Variants in PTPRD observed in about 807,000 individuals in gnomAD.
PTPRD encodes the protein protein tyrosine phosphatase receptor type D.
PTPRD carries 34 observed loss-of-function variants against 214.5 expected under a neutral mutation model. The ratio of observed to expected loss-of-function variants is 0.16; its 90% CI spans 0.12 to 0.21. PTPRD has a LOEUF of 0.21. Among genes scored for constraint, PTPRD ranks in the 10% least tolerant of loss-of-function variants. PTPRD has a pLI of 1.00. For missense variants in PTPRD, 2,545 were observed against 2,398.7 expected (o/e 1.06, Z -1.27); for synonymous variants, 1,128 against 845.7 (o/e 1.33, Z -5.79).
At chr9:9,825,340 CAAAGAA>C (rs1411715819) in intron 5 of PTPRD, among the ~76,000 whole-genome samples, 2 of 143,622 alleles carry the variant, frequency 1.4e-5, no homozygotes, top group East Asian at 2.0e-4. Flanking sequence ...GAGAAAGAGA[CAAAGAA>C]AGAGACAAAG....
intron 7 of PTPRD, among the ~76,000 whole-genome samples, chr9:9,695,458 G>C (rs1595444001): frequency 1.3e-5 from 2 of 152,152 alleles, no homozygotes; most frequent in Non-Finnish European, 2.9e-5. Context: ...TGTCTCCCTA[G>C]GTCATATGTG....
intron 14 of PTPRD, among the ~76,000 whole-genome samples, chr9:8,545,064 C>G (rs1206817889): frequency 2.0e-5 from 3 of 152,092 alleles, no homozygotes; most frequent in African/African-American, 7.2e-5. Context: ...CATATTCTAG[C>G]ACACACAATC....
intron 10 of PTPRD, among the ~76,000 whole-genome samples, chr9:9,044,126 A>T (rs985554125): frequency 1.3e-5 from 2 of 152,150 alleles, no homozygotes; most frequent in Non-Finnish European, 2.9e-5. Flanking sequence ...GGAAAAAGTT[A>T]TTTTTATATG....
intron 35 of PTPRD, among the ~76,000 whole-genome samples, chr9:8,414,649 C>G (rs1158246293): frequency 6.6e-6 from 1 of 151,852 alleles, no homozygotes; most frequent in Non-Finnish European, 1.5e-5. Context: ...GTCCCTACAT[C>G]CCAGTTTACA....
At chr9:9,198,387 T>G (rs2132167850) in intron 9 of PTPRD, among the ~76,000 whole-genome samples, 1 of 152,250 alleles carries the variant, frequency 6.6e-6, no homozygotes, top group South Asian at 2.1e-4. Context: ...GTGAGCAATT[T>G]TGTAGCCCTC....
chr9:10,091,115 G>A (rs187666411), intron 3 of PTPRD, among the ~76,000 whole-genome samples: 2 of 151,294 alleles, frequency 1.3e-5, no homozygotes, highest in East Asian at 3.9e-4. Flanking sequence ...AAAAATTAAT[G>A]AGCAATTTTA....
At chr9:9,965,746 G>A (rs568781240) in intron 4 of PTPRD, among the ~76,000 whole-genome samples, 3 of 152,240 alleles carry the variant, frequency 2.0e-5, no homozygotes, top group African/African-American at 7.2e-5. Context: ...CCACTCTTCA[G>A]ATATCACAAT....
At chr9:9,246,689 C>T (rs931152853) in intron 9 of PTPRD, among the ~76,000 whole-genome samples, 4 of 151,946 alleles carry the variant, frequency 2.6e-5, no homozygotes, top group Admixed American at 6.6e-5. Flanking sequence ...GTAAGCCCAC[C>T]GGCAACATCA....
intron 14 of PTPRD, among the ~76,000 whole-genome samples, chr9:8,563,116 T>C (rs2087132221): frequency 6.6e-6 from 1 of 152,062 alleles, no homozygotes; most frequent in Admixed American, 6.5e-5. Context: ...TAAGCCTGAG[T>C]GTCAGCTTGG....
At chr9:9,165,125 T>C (rs1383808385) in intron 10 of PTPRD, among the ~76,000 whole-genome samples, 1 of 152,162 alleles carries the variant, frequency 6.6e-6, no homozygotes, top group Non-Finnish European at 1.5e-5. Flanking sequence ...TAAACATTTA[T>C]TGAACTTCAT....
intron 5 of PTPRD, among the ~76,000 whole-genome samples, chr9:9,843,072 G>A (rs979278274): frequency 3.9e-5 from 6 of 152,162 alleles, no homozygotes; most frequent in African/African-American, 1.4e-4. Context: ...ACACAGCTAT[G>A]TTTGAATATT....
intron 36 of PTPRD, among the ~76,000 whole-genome samples, chr9:8,390,037 A>G (rs568087638): frequency 6.8e-4 from 103 of 152,286 alleles, no homozygotes; most frequent in African/African-American, 2.4e-3. Context: ...TGACCTCTGT[A>G]AAGTATTGCT....
chr9:9,497,668 A>G (rs1473517658), intron 8 of PTPRD, among the ~76,000 whole-genome samples: 2 of 152,198 alleles, frequency 1.3e-5, no homozygotes, highest in African/African-American at 2.4e-5. Flanking sequence ...GAGGAGAAAT[A>G]GGAACATTAT....
chr9:10,060,890 TTCCTTCC>T lies in PTPRD; in HGVS notation c.-544-27107_-544-27101del, dbSNP rs1360797010. Among the ~76,000 whole-genome samples the T allele has an allele frequency of 2.0e-4, 18 of 89,178 alleles. 1 individual carries two copies. Among genetic ancestry groups the T allele is most frequent in the African/African-American group, 1.9e-3 (15 of 7,712 alleles). 58.5% of individuals were successfully genotyped at this position (89,178 alleles called of 152,430 possible). A position where few individuals can be genotyped will look rare whatever the true frequency, so the allele number is the denominator to read the frequency against. ...CTTCTTTCCTTCCTTCCTTCCTTCC[TTCCTTCC>T]TTCTTTCTTTCTTTCTTTCTTTCTT... On this transcript the variant is annotated intron_variant, in intron 3 of 45. Coordinates refer to ENST00000381196, the MANE Select transcript of PTPRD (RefSeq NM_002839.4).
chr9:8,436,558 G>C (rs748753534), intron 35 of PTPRD, 34 bp downstream of exon 35: 11 of 1,500,712 alleles, frequency 7.3e-6, no homozygotes, highest in East Asian at 2.3e-5. Flanking sequence ...AGTAACTCTT[G>C]AAATTACTGT....
intron 9 of PTPRD, among the ~76,000 whole-genome samples, chr9:9,347,480 G>C (rs1471504330): frequency 1.3e-5 from 2 of 151,722 alleles, no homozygotes; most frequent in East Asian, 1.9e-4. Context: ...TATCCCTCAG[G>C]GTAAAACCAT....
chr9:9,371,742 G>T (rs1361574809), intron 9 of PTPRD, among the ~76,000 whole-genome samples: 2 of 151,968 alleles, frequency 1.3e-5, no homozygotes, highest in African/African-American at 4.8e-5. Context: ...TTTCTCTTGT[G>T]GGCATTTAGT....
intron 33 of PTPRD, among the ~76,000 whole-genome samples, chr9:8,454,919 G>C (rs761984328): frequency 1.3e-5 from 2 of 151,850 alleles, no homozygotes; most frequent in Admixed American, 6.6e-5. Context: ...GGAAGTGTTC[G>C]ACAGTGGAGA....
At chr9:8,724,241 A>C (rs1019044226) in intron 12 of PTPRD, among the ~76,000 whole-genome samples, 1 of 152,228 alleles carries the variant, frequency 6.6e-6, no homozygotes, top group African/African-American at 2.4e-5. Flanking sequence ...CTTATAAGGT[A>C]CTGAATACAC....
Sources: gnomAD v4.1 joint callset for allele counts (sites outside exome capture counted in the v4.1 genomes callset) on GRCh38, gnomAD v4.1.1 for gene constraint, MANE v1.5 for transcripts, NCBI Gene and HGNC (gene_info 2026-07-23, HGNC 2026-07-21) for gene names.